ATP1B2: variants seen among roughly 807,000 people sequenced by gnomAD.
The protein encoded by ATP1B2 is sodium/potassium-transporting ATPase subunit beta-2.
Under a neutral mutation model 37.3 loss-of-function variants are expected in ATP1B2, and 12 were observed. That is an observed-to-expected ratio of 0.32 (90% CI 0.21 to 0.52). The LOEUF is 0.52. Among genes scored for constraint, ATP1B2 ranks in the 20% least tolerant of loss-of-function variants. The pLI is 0.96. For synonymous variants in ATP1B2, 139 were observed against 140.5 expected (o/e 0.99, Z 0.07); for missense variants, 324 against 391.6 (o/e 0.83, Z 1.46).
In ATP1B2 at chr17:7,653,905, C is replaced by T; in HGVS notation, c.306C>T (p.Ser102=). 6.2e-7 allele frequency: 1 copy of T among 1,614,154 alleles called. No individual in the cohort carries two copies. Among genetic ancestry groups the T allele is most frequent in the Non-Finnish European group, 8.5e-7 (1 of 1,180,028 alleles). ...DVIVNVSDTE[S]WDQHVQKLNK... ...TTGTCAATGTCAGTGACACTGAAAG[C>T]TGGGACCAGCATGTTCAGAAGCTCA... The change falls in exon 3 of 7, where the codon AGC becomes AGT. Residue 102 remains serine, a synonymous_variant. Coordinates refer to ENST00000250111, the MANE Select transcript of ATP1B2 (RefSeq NM_001678.5).
Position 7,654,754 on chromosome 17 carries a change from G to A in ATP1B2, c.609+70G>A. The A allele has an allele frequency of 6.5e-7, 1 of 1,537,584 alleles. No homozygotes were observed. Among genetic ancestry groups the A allele is most frequent in the African/African-American group, 1.4e-5 (1 of 73,382 alleles). ...CCTGAGTGTCCTTCATGGTTTCTGT[G>A]TAATTCACCTGTCTCTCCCTATCTT... On this transcript the variant is annotated intron_variant, in intron 5 of 6. Coordinates refer to ENST00000250111, the MANE Select transcript of ATP1B2 (RefSeq NM_001678.5). The surrounding 1 kb of genome is among the most constrained non-coding windows in gnomAD (Gnocchi z 4.9).
In ATP1B2 at chr17:7,656,045, A is replaced by T; in HGVS notation, c.*150A>T. The T allele has an allele frequency of 9.2e-7, 1 of 1,087,644 alleles. No individual in the cohort carries two copies. The highest frequency in any genetic ancestry group is 1.3e-6 in the Non-Finnish European group (1 of 773,684). 67.4% of individuals were successfully genotyped at this position (1,087,644 alleles called of 1,614,324 possible). On this transcript the variant is annotated 3_prime_UTR_variant, in exon 7 of 7. Coordinates refer to ENST00000250111, the MANE Select transcript of ATP1B2 (RefSeq NM_001678.5). Reference sequence around the variant, plus strand: ...TCACATCCTTTTCCTTGACTTCTCAACCCAGCCTGAAGTCCATTGCGGTTC... The same window carrying T: ...TCACATCCTTTTCCTTGACTTCTCATCCCAGCCTGAAGTCCATTGCGGTTC...
At position 7,654,650 on chromosome 17, in the gene ATP1B2, C is replaced by T; in HGVS notation, c.575C>T (p.Ala192Val). ...MNRVINFYAG[A>V]NQSMNVTCAG... ...CAGGTCATCAACTTCTATGCAGGAG[C>T]AAACCAGAGCATGAATGTTACCTGT... The change falls in exon 5 of 7, where the codon GCA becomes GTA. Residue 192 changes from alanine to valine, a missense_variant. Physicochemically the swap from Ala to Val is moderately conservative, Grantham distance 64. Coordinates refer to ENST00000250111, the MANE Select transcript of ATP1B2 (RefSeq NM_001678.5). The surrounding 1 kb of genome is among the most constrained non-coding windows in gnomAD (Gnocchi z 4.9). 6.2e-7 allele frequency: 1 copy of T among 1,614,174 alleles called. No individual in the cohort carries two copies. Among genetic ancestry groups the T allele is most frequent in the Non-Finnish European group, 8.5e-7 (1 of 1,180,036 alleles).
Position 7,655,822 on chromosome 17 carries a change from A to G in ATP1B2, c.800A>G (p.Asn267Ser). Residue 267 changes from asparagine (N) to serine (S), a missense_variant, in exon 7 of 7, where the codon AAC (asparagine) becomes AGC (serine). By Grantham distance (46) the Asn-to-Ser change is conservative. Coordinates refer to ENST00000250111, the MANE Select transcript of ATP1B2 (RefSeq NM_001678.5). This position sits in a 1 kb window ranked among gnomAD's most constrained non-coding sequence, Gnocchi z 4.4. ...GTAGAATGTCGCATCAACGCCGCCA[A>G]CATCGCCACAGACGATGAGCGAGAC... ...VNVECRINAANIATDDERDKF... is the reference protein window; with the variant it reads ...VNVECRINAASIATDDERDKF... The G allele has an allele frequency of 6.2e-7, 1 of 1,614,110 alleles. No homozygotes were observed. Among genetic ancestry groups the G allele is most frequent in the Non-Finnish European group, 8.5e-7 (1 of 1,180,026 alleles).
upstream of ATP1B2, among the ~76,000 whole-genome samples, chr17:7,649,223 T>G (rs1455265404): frequency 6.6e-6 from 1 of 150,626 alleles, no homozygotes; most frequent in Non-Finnish European, 1.5e-5. Context: ...CGGCTAATTT[T>G]TTTAGTTTTA....
chr17:7,647,937 T>C (rs1597332494), upstream of ATP1B2, among the ~76,000 whole-genome samples: 1 of 151,826 alleles, frequency 6.6e-6, no homozygotes, highest in Non-Finnish European at 1.5e-5. Context: ...GACTGGAAGG[T>C]CGTTCATGGA....
Position 7,653,490 on chromosome 17 carries a change from C to A in ATP1B2, c.229C>A (p.Leu77Met). 6.2e-7 allele frequency: 1 copy of A among 1,614,158 alleles called. No individual in the cohort carries two copies. Among genetic ancestry groups the A allele is most frequent in the South Asian group, 1.1e-5 (1 of 91,080 alleles). Residue 77 changes from leucine (L) to methionine (M), a missense_variant, in exon 2 of 7, where the codon CTG (leucine) becomes ATG (methionine). Transcript: ENST00000250111. ...CCATACCCCCAAGTACCAGGACCGA[C>A]TGGCCACACCGGGTGAGTGTGGAGG... ...SDHTPKYQDR[L>M]ATPGLMIRPK...
At position 7,654,409 on chromosome 17, in the gene ATP1B2, G is replaced by C; in HGVS notation, c.552+152G>C. ...AAAAAGAGAGGTGGGACTCTTGGAG[G>C]CTAAGCTCTGCAGTTAGAAGGCTGG... On this transcript the variant is annotated intron_variant, in intron 4 of 6. Transcript: ENST00000250111. The surrounding 1 kb of genome is among the most constrained non-coding windows in gnomAD (Gnocchi z 4.9). 2 of 1,087,740 alleles carry C rather than the reference G, an allele frequency of 1.8e-6. No individual in the cohort carries two copies. The highest frequency in any genetic ancestry group is 2.7e-6 in the Non-Finnish European group (2 of 749,264). 67.4% of individuals were successfully genotyped at this position (1,087,740 alleles called of 1,614,324 possible).
At position 7,654,331 on chromosome 17, in the gene ATP1B2, T is replaced by C; in HGVS notation, c.552+74T>C. On this transcript the variant is annotated intron_variant, in intron 4 of 6. Transcript: ENST00000250111. The surrounding 1 kb of genome is among the most constrained non-coding windows in gnomAD (Gnocchi z 4.9). ...CACCACCTGCAGACAATTGCATCCT[T>C]TCACTGGGGCTAATGGGCATGAGAA... is the stretch of plus-strand genomic sequence containing the variant. 6.6e-7 allele frequency: 1 copy of C among 1,509,960 alleles called. No homozygotes were observed. Among genetic ancestry groups the C allele is most frequent in the East Asian group, 2.3e-5 (1 of 44,274 alleles). 93.5% of individuals were successfully genotyped at this position (1,509,960 alleles called of 1,614,324 possible). A position where few individuals can be genotyped will look rare whatever the true frequency, so the allele number is the denominator to read the frequency against.
At chr17:7,650,691 C>A (rs925230806), upstream of ATP1B2, among the ~76,000 whole-genome samples, 4 of 152,138 alleles carry the variant, frequency 2.6e-5, no homozygotes, top group Non-Finnish European at 5.9e-5. Context: ...CGCCCGGACA[C>A]GCCCTCTATC....
chr17:7,647,099 CAAAAAAA>C (rs34937578), upstream of ATP1B2, among the ~76,000 whole-genome samples: 2 of 78,312 alleles, frequency 2.6e-5, no homozygotes, highest in African/African-American at 9.4e-5. Flanking sequence ...GAGACTATCT[CAAAAAAA>C]AAAAAAAAAA....
chr17:7,650,909 C>A (rs1028034802), upstream of ATP1B2, among the ~76,000 whole-genome samples: 1 of 152,168 alleles, frequency 6.6e-6, no homozygotes, highest in African/African-American at 2.4e-5. Flanking sequence ...AGACCGCGCT[C>A]GGCGACCGCG....
intron 1 of ATP1B2, among the ~76,000 whole-genome samples, chr17:7,652,344 G>C (rs1321129166): frequency 6.6e-6 from 1 of 151,226 alleles, no homozygotes; most frequent in Non-Finnish European, 1.5e-5. Context: ...GTGGTCGGGG[G>C]TTGGGGGGGT....
Position 7,655,326 on chromosome 17 carries a change from T to G in ATP1B2, c.610-201T>G, listed in dbSNP as rs535981479. ...TAGCAGCCTTCAGGAGTTCCTAGAATGATGACAGGGACAGACCATCCCCTC... is the reference window on the plus strand; with the variant it reads ...TAGCAGCCTTCAGGAGTTCCTAGAAGGATGACAGGGACAGACCATCCCCTC... On this transcript the variant is annotated intron_variant, in intron 5 of 6. Coordinates refer to ENST00000250111, the MANE Select transcript of ATP1B2 (RefSeq NM_001678.5). The surrounding 1 kb of genome is among the most constrained non-coding windows in gnomAD (Gnocchi z 4.4). The G allele has an allele frequency of 6.6e-6, 4 of 603,198 alleles. No homozygotes were observed. The Admixed American group carries it at 1.2e-4, about 18-fold the overall frequency. The allele number at this position is 603,198 out of a possible 1,614,324, so 37.4% of individuals were successfully genotyped here.
chr17:7,654,201 T>A lies in ATP1B2; in HGVS notation c.496T>A (p.Ser166Thr), dbSNP rs1278056069. Residue 166 changes from serine to threonine, a missense_variant, in exon 4 of 7, where the codon TCC becomes ACC. Coordinates refer to ENST00000250111, the MANE Select transcript of ATP1B2 (RefSeq NM_001678.5). This position sits in a 1 kb window ranked among gnomAD's most constrained non-coding sequence, Gnocchi z 4.9. ...GGGCAACTGCTCCGGCATTGGGGAC[T>A]CCACCCACTATGGTTACAGCACTGG... ...QLGNCSGIGD[S>T]THYGYSTGQP... The A allele has an allele frequency of 6.2e-7, 1 of 1,614,176 alleles. No individual in the cohort carries two copies. The highest frequency in any genetic ancestry group is 2.2e-5 in the East Asian group (1 of 44,886).
chr17:7,655,824 A>G lies in ATP1B2; in HGVS notation c.802A>G (p.Ile268Val), dbSNP rs778160814. 6 of 1,614,020 alleles carry G rather than the reference A, an allele frequency of 3.7e-6. No homozygotes were observed. In the African/African-American group the frequency reaches 4.0e-5, roughly 11 times the overall value. ...AGAATGTCGCATCAACGCCGCCAAC[A>G]TCGCCACAGACGATGAGCGAGACAA... Reference protein sequence around the residue: ...NVECRINAANIATDDERDKFA... With the variant: ...NVECRINAANVATDDERDKFA... The change falls in exon 7 of 7, where the codon ATC becomes GTC. Residue 268 changes from isoleucine to valine, a missense_variant. Transcript: ENST00000250111. This position sits in a 1 kb window ranked among gnomAD's most constrained non-coding sequence, Gnocchi z 4.4.
Position 7,654,319 on chromosome 17 carries a change from C to A in ATP1B2, c.552+62C>A, listed in dbSNP as rs955182701. Reference sequence around the variant, plus strand: ...AGGATCTGGGGACACCACCTGCAGACAATTGCATCCTTTCACTGGGGCTAA... The same window carrying A: ...AGGATCTGGGGACACCACCTGCAGAAAATTGCATCCTTTCACTGGGGCTAA... On this transcript the variant is annotated intron_variant, in intron 4 of 6. Transcript: ENST00000250111. This position sits in a 1 kb window ranked among gnomAD's most constrained non-coding sequence, Gnocchi z 4.9. 6.5e-7 allele frequency: 1 copy of A among 1,549,694 alleles called. No individual in the cohort carries two copies. Among genetic ancestry groups the A allele is most frequent in the Admixed American group, 1.7e-5 (1 of 59,708 alleles).
At position 7,657,487 on chromosome 17, in the gene ATP1B2, T is replaced by G. The variant is rs928277957; in HGVS notation, c.*1592T>G. The G allele has an allele frequency of 6.6e-6, 1 of 152,338 alleles. No homozygotes were observed. The highest frequency in any genetic ancestry group is 1.5e-5 in the Non-Finnish European group (1 of 68,040). The allele number at this position is 152,338 out of a possible 1,614,324, so 9.4% of individuals were successfully genotyped here. On this transcript the variant is annotated 3_prime_UTR_variant, in exon 7 of 7. Transcript: ENST00000250111. Reference sequence around the variant, plus strand: ...AATATTCTGTAGCTGTAGAGGCATTTTAACCCTTTGTCCTCCAGCATCCCT... The same window carrying G: ...AATATTCTGTAGCTGTAGAGGCATTGTAACCCTTTGTCCTCCAGCATCCCT...
rs376402102 is a variant in ATP1B2 at position 7,653,438 on chromosome 17, G to A, written c.177G>A (p.Met59Ile). Reference sequence around the variant, plus strand: ...TCACCGCCATGTTCACCCTCACCATGTGGGTGATGCTGCAGACTGTCTCCG... The same window carrying A: ...TCACCGCCATGTTCACCCTCACCATATGGGTGATGCTGCAGACTGTCTCCG... ...GFLTAMFTLT[M>I]WVMLQTVSDH... The change falls in exon 2 of 7, where the codon ATG becomes ATA. Residue 59 changes from methionine to isoleucine, a missense_variant. Transcript: ENST00000250111. The A allele has an allele frequency of 3.7e-6, 6 of 1,613,912 alleles. No homozygotes were observed. Among genetic ancestry groups the A allele is most frequent in the African/African-American group, 1.3e-5 (1 of 74,862 alleles).
Sources: gnomAD v4.1 joint callset for allele counts (sites outside exome capture counted in the v4.1 genomes callset) on GRCh38, gnomAD v4.1.1 for gene constraint, Gnocchi (gnomAD v3.1) non-coding constraint, MANE v1.5 for transcripts, NCBI Gene and HGNC (gene_info 2026-07-23, HGNC 2026-07-21) for gene names.